Variants in RABEP1 observed in about 807,000 individuals in gnomAD.
RABEP1 encodes rabaptin, RAB GTPase binding effector protein 1.
In RABEP1, 51 loss-of-function variants were observed where a neutral mutation model predicts 123.4. The observed-to-expected ratio is 0.41, with a 90% CI of 0.33 to 0.52. The LOEUF (loss-of-function observed/expected upper bound fraction) is 0.52, where lower values mean the gene tolerates loss of function less well. Ranked by LOEUF, RABEP1 falls within the 20% of genes least tolerant of loss-of-function variation. The pLI, the probability that RABEP1 is intolerant of heterozygous loss-of-function variation, is 0.16. For missense variants in RABEP1, 888 were observed against 996.3 expected (o/e 0.89, Z 1.46); for synonymous variants, 347 against 355.2 (o/e 0.98, Z 0.26).
chr17:5,359,302 C>T (rs1238928637), intron 8 of RABEP1, among the ~76,000 whole-genome samples: 1 of 152,060 alleles, frequency 6.6e-6, no homozygotes, highest in African/African-American at 2.4e-5. Context: ...TCTTGATCTC[C>T]TGACCTTGTG....
chr17:5,299,719 C>CTTTTCTTTTTT (rs2075116264), intron 1 of RABEP1, among the ~76,000 whole-genome samples: 44 of 98,852 alleles, frequency 4.5e-4, no homozygotes, highest in East Asian at 2.6e-3. Context: ...TTTTTCTTTT[C>CTTTTCTTTTTT]TTTTTCTTTT....
chr17:5,339,664 G>A (rs1011335813), intron 5 of RABEP1, among the ~76,000 whole-genome samples: 14 of 88,888 alleles, frequency 1.6e-4, no homozygotes, highest in African/African-American at 1.1e-3. Flanking sequence ...CAGGCGTGGT[G>A]GCCACGCGCC....
chr17:5,383,388 A>G lies in RABEP1; in HGVS notation c.*165A>G. 1.6e-6 allele frequency: 1 copy of G among 623,390 alleles called. No individual in the cohort carries two copies. The highest frequency in any genetic ancestry group is 2.8e-6 in the Non-Finnish European group (1 of 356,814). 38.6% of individuals were successfully genotyped at this position (623,390 alleles called of 1,614,324 possible). ...GAGAAGACTGTGCGGCACAGGAAAC[A>G]GCAAACAGTGGGGTGATCTGCAGCC... On this transcript the variant is annotated 3_prime_UTR_variant, in exon 18 of 18. Coordinates refer to ENST00000537505, the MANE Select transcript of RABEP1 (RefSeq NM_004703.6).
At chr17:5,325,720 GAAA>G (rs199611553) in intron 2 of RABEP1, among the ~76,000 whole-genome samples, 3 of 146,696 alleles carry the variant, frequency 2.0e-5, no homozygotes, top group Non-Finnish European at 4.5e-5. Flanking sequence ...TGGGATGAAA[GAAA>G]AAAAAAACCG....
intron 8 of RABEP1, among the ~76,000 whole-genome samples, chr17:5,360,358 C>T (rs1013741282): frequency 7.9e-5 from 12 of 152,148 alleles, no homozygotes; most frequent in Admixed American, 4.6e-4. Context: ...GTCAGGAGAG[C>T]GAGACCATCC....
chr17:5,359,803 A>C (rs1311846254), intron 8 of RABEP1, among the ~76,000 whole-genome samples: 3 of 152,238 alleles, frequency 2.0e-5, no homozygotes, highest in Non-Finnish European at 4.4e-5. Context: ...TTATCTTAAA[A>C]CATTGTCATT....
intron 5 of RABEP1, among the ~76,000 whole-genome samples, chr17:5,342,875 CAG>C (rs1057241672): frequency 2.7e-4 from 41 of 152,264 alleles, no homozygotes; most frequent in African/African-American, 9.4e-4. Context: ...ATCAATAAAA[CAG>C]AAAGCCCAGA....
intron 8 of RABEP1, among the ~76,000 whole-genome samples, chr17:5,357,335 C>A (rs1010268622): frequency 3.3e-5 from 5 of 152,052 alleles, no homozygotes; most frequent in Non-Finnish European, 4.4e-5. Context: ...TGTCAATGTA[C>A]CATAATTCTT....
At chr17:5,332,596 A>ATATTT (rs1555521415) in intron 3 of RABEP1, among the ~76,000 whole-genome samples, 1 of 105,914 alleles carries the variant, frequency 9.4e-6, no homozygotes, top group Non-Finnish European at 1.9e-5. Context: ...ACGTTTTAGA[A>ATATTT]TTTTTTTTTT....
chr17:5,314,965 G>A (rs1366265847), intron 2 of RABEP1, among the ~76,000 whole-genome samples: 3 of 152,128 alleles, frequency 2.0e-5, no homozygotes, highest in Non-Finnish European at 2.9e-5. Context: ...AGACGGTTAC[G>A]TGAAACACAG....
chr17:5,294,986 G>A (rs1003611863), intron 1 of RABEP1, among the ~76,000 whole-genome samples: 1 of 151,124 alleles, frequency 6.6e-6, no homozygotes, highest in Non-Finnish European at 1.5e-5. Context: ...TATAAAATAT[G>A]TTTAAAAAAA....
intron 5 of RABEP1, among the ~76,000 whole-genome samples, chr17:5,338,756 C>T (rs1352998462): frequency 1.3e-5 from 2 of 152,038 alleles, no homozygotes; most frequent in Non-Finnish European, 2.9e-5. Flanking sequence ...ATAAACTGTT[C>T]GAAGTTGACC....
chr17:5,325,816 T>TA (rs1905918779), intron 2 of RABEP1, among the ~76,000 whole-genome samples: 1 of 152,058 alleles, frequency 6.6e-6, no homozygotes, highest in Non-Finnish European at 1.5e-5. Context: ...ACATGTACTT[T>TA]AACTATGTAC....
At chr17:5,352,917 G>T (rs999559094) in intron 7 of RABEP1, among the ~76,000 whole-genome samples, 2 of 152,176 alleles carry the variant, frequency 1.3e-5, no homozygotes, top group African/African-American at 4.8e-5. Flanking sequence ...CTTACTATGT[G>T]CTAGCATTGT....
chr17:5,343,517 G>A (rs1907791808), intron 5 of RABEP1, among the ~76,000 whole-genome samples: 1 of 151,904 alleles, frequency 6.6e-6, no homozygotes, highest in South Asian at 2.1e-4. Context: ...CTGAGATTGG[G>A]CCACTGCACT....
chr17:5,324,221 C>T (rs1385992482), intron 2 of RABEP1, among the ~76,000 whole-genome samples: 1 of 152,118 alleles, frequency 6.6e-6, no homozygotes, highest in Non-Finnish European at 1.5e-5. Flanking sequence ...CAGCATGGCA[C>T]TGGCATAAAA....
At chr17:5,367,359 C>A (rs1368354133) in intron 11 of RABEP1, among the ~76,000 whole-genome samples, 1 of 151,614 alleles carries the variant, frequency 6.6e-6, no homozygotes, top group Non-Finnish European at 1.5e-5. Flanking sequence ...GCAACGTCTG[C>A]CTCCCAGGTT....
At chr17:5,341,735 A>G (rs1907628243) in intron 5 of RABEP1, among the ~76,000 whole-genome samples, 1 of 152,252 alleles carries the variant, frequency 6.6e-6, no homozygotes, top group Non-Finnish European at 1.5e-5. Flanking sequence ...AGGGGGAGAA[A>G]TACATCATGA....
At chr17:5,298,656 ATT>A (rs11355508) in intron 1 of RABEP1, among the ~76,000 whole-genome samples, 138 of 128,776 alleles carry the variant, frequency 1.1e-3, no homozygotes, top group African/African-American at 1.0e-3. Flanking sequence ...CTCCTCCAGG[ATT>A]TTTTTTTTTT....
Sources: gnomAD v4.1 joint callset for allele counts (sites outside exome capture counted in the v4.1 genomes callset) on GRCh38, gnomAD v4.1.1 for gene constraint, MANE v1.5 for transcripts, NCBI Gene and HGNC (gene_info 2026-07-23, HGNC 2026-07-21) for gene names.